SEMA5A: variants seen among roughly 807,000 people sequenced by gnomAD.
The protein encoded by SEMA5A is semaphorin 5A, also known as semaphorin-5A.
Under a neutral mutation model 135.5 loss-of-function variants are expected in SEMA5A, and 55 were observed. The ratio of observed to expected loss-of-function variants is 0.41; its 90% confidence interval spans 0.33 to 0.51. The LOEUF (loss-of-function observed/expected upper bound fraction) is 0.51, where lower values mean the gene tolerates loss of function less well. Ranked by LOEUF, SEMA5A falls within the 20% of genes least tolerant of loss-of-function variation. The probability of loss-of-function intolerance (pLI) is 0.37; values close to 1 mark genes in which losing one functional copy is unlikely to be tolerated. For missense variants in SEMA5A, 1,290 were observed against 1,419.9 expected, an observed-to-expected ratio of 0.91 and a Z score of 1.47; for synonymous variants, 580 against 546.5, an observed-to-expected ratio of 1.06 and a Z score of -0.85.
chr5:9,422,797 A>G (rs950501113), intron 2 of SEMA5A, among the ~76,000 whole-genome samples: 21 of 152,218 alleles, frequency 1.4e-4, no homozygotes, highest in African/African-American at 5.1e-4. Context: ...TGGTATCACC[A>G]ATAAAGAGGA....
At chr5:9,539,249 A>C (rs1737946630) in intron 1 of SEMA5A, among the ~76,000 whole-genome samples, 1 of 152,152 alleles carries the variant, frequency 6.6e-6, no homozygotes, top group South Asian at 2.1e-4. Flanking sequence ...CACTTGGCAC[A>C]AGGTTTTGAG....
At chr5:9,162,568 A>G (rs1006557353) in intron 11 of SEMA5A, among the ~76,000 whole-genome samples, 6 of 49,530 alleles carry the variant, frequency 1.2e-4, no homozygotes, top group African/African-American at 2.3e-4. Context: ...GTGTGTGTAT[A>G]TATATATATA....
At chr5:9,072,088 C>A (rs1006701719) in intron 16 of SEMA5A, among the ~76,000 whole-genome samples, 1 of 152,088 alleles carries the variant, frequency 6.6e-6, no homozygotes, top group African/African-American at 2.4e-5. Flanking sequence ...CTGTTTCCCA[C>A]CAATATGGAG....
intron 9 of SEMA5A, among the ~76,000 whole-genome samples, chr5:9,200,527 T>C (rs1303637918): frequency 6.6e-6 from 1 of 152,154 alleles, no homozygotes; most frequent in African/African-American, 2.4e-5. Flanking sequence ...CTTCAGAAAC[T>C]GTAAATTGAT....
chr5:9,052,090 T>G, intron 19 of SEMA5A, 62 bp from the exon 20 acceptor site: 1 of 1,456,626 alleles, frequency 6.9e-7, no homozygotes, highest in Non-Finnish European at 9.1e-7. Context: ...CATCCTAGAC[T>G]CACTGGCAAG....
chr5:9,271,828 G>A (rs149335143), intron 5 of SEMA5A, among the ~76,000 whole-genome samples: 361 of 152,194 alleles, frequency 2.4e-3, no homozygotes, highest in African/African-American at 4.6e-3. Context: ...CATGCACTCC[G>A]GCCCAGATAC....
intron 5 of SEMA5A, among the ~76,000 whole-genome samples, chr5:9,247,022 T>C (rs1351581736): frequency 6.6e-6 from 1 of 152,196 alleles, no homozygotes; most frequent in Admixed American, 6.6e-5. Context: ...AGGGACTGCA[T>C]GTAGCAAGTA....
At chr5:9,532,819 C>G (rs268549) in intron 1 of SEMA5A, among the ~76,000 whole-genome samples, 1 of 151,862 alleles carries the variant, frequency 6.6e-6, no homozygotes, top group African/African-American at 2.4e-5. Context: ...TCATGTAAAC[C>G]AAAGAGAAGA....
intron 10 of SEMA5A, among the ~76,000 whole-genome samples, chr5:9,191,250 G>A (rs3797937): frequency 0.28 from 43,168 of 151,840 alleles, 7,089 homozygotes; most frequent in East Asian, 0.56. Context: ...CCTGGGATAT[G>A]CAAGGGGAAA....
chr5:9,291,509 C>T (rs1265092274), intron 5 of SEMA5A, among the ~76,000 whole-genome samples: 1 of 151,694 alleles, frequency 6.6e-6, no homozygotes, highest in South Asian at 2.1e-4. Context: ...CCAGAGACCA[C>T]CATGTTAGGA....
chr5:9,194,324 T>C (rs1745274397), intron 10 of SEMA5A, among the ~76,000 whole-genome samples: 1 of 152,212 alleles, frequency 6.6e-6, no homozygotes, highest in Non-Finnish European at 1.5e-5. Context: ...TCATGCACCA[T>C]CTCTCCTAAC....
At chr5:9,336,269 CAG>C (rs1753387017) in intron 4 of SEMA5A, among the ~76,000 whole-genome samples, 1 of 152,084 alleles carries the variant, frequency 6.6e-6, no homozygotes, top group East Asian at 1.9e-4. Context: ...AGAATGAAAA[CAG>C]GCAAGTCTGG....
At chr5:9,381,345 A>C (rs1479191787) in intron 2 of SEMA5A, among the ~76,000 whole-genome samples, 1 of 152,236 alleles carries the variant, frequency 6.6e-6, no homozygotes, top group Admixed American at 6.5e-5. Context: ...TGGGTAATGG[A>C]AACTACGGCA....
At chr5:9,222,699 G>A (rs40669) in intron 8 of SEMA5A, among the ~76,000 whole-genome samples, 34,198 of 152,150 alleles carry the variant, frequency 0.22, 4,134 homozygotes, top group East Asian at 0.33. Context: ...TGTTATGCCT[G>A]AGAAGACTGT....
At chr5:9,297,722 T>TA (rs1374432782) in intron 5 of SEMA5A, among the ~76,000 whole-genome samples, 1 of 149,928 alleles carries the variant, frequency 6.7e-6, no homozygotes, top group East Asian at 2.0e-4. Flanking sequence ...GTCAAGCTAT[T>TA]TTTTTTTTTT....
intron 4 of SEMA5A, 22 bp from the exon 5 acceptor site, chr5:9,318,439 C>A (rs1309569079): frequency 2.5e-6 from 4 of 1,599,902 alleles, no homozygotes; most frequent in Non-Finnish European, 3.4e-6. Context: ...AAAAACAGAG[C>A]AGTTTTATTT....
At chr5:9,503,203 G>A (rs183511340) in intron 1 of SEMA5A, among the ~76,000 whole-genome samples, 2 of 152,280 alleles carry the variant, frequency 1.3e-5, no homozygotes, top group East Asian at 1.9e-4. Flanking sequence ...GACTAGGTAC[G>A]CATAAGAGGG....
chr5:9,103,513 T>C (rs1739739311), intron 16 of SEMA5A, among the ~76,000 whole-genome samples: 3 of 152,182 alleles, frequency 2.0e-5, no homozygotes, highest in Admixed American at 6.5e-5. Context: ...CTTTCTGTGG[T>C]CTGGTTCTTT....
chr5:9,368,157 A>G (rs1395188667), intron 3 of SEMA5A, among the ~76,000 whole-genome samples: 1 of 152,240 alleles, frequency 6.6e-6, no homozygotes, highest in African/African-American at 2.4e-5. Context: ...TAATTTGCTG[A>G]AACATGTACA....
Sources: allele counts gnomAD v4.1 joint callset (sites outside exome capture counted in the v4.1 genomes callset), GRCh38; gene constraint gnomAD v4.1.1; transcripts MANE v1.5; gene names NCBI Gene and HGNC (gene_info 2026-07-23, HGNC 2026-07-21).